CSF1R: variants seen among roughly 807,000 people sequenced by gnomAD.
CSF1R encodes macrophage colony-stimulating factor 1 receptor.
In CSF1R, 40 loss-of-function variants were observed where a neutral mutation model predicts 110.0. The ratio of observed to expected loss-of-function variants is 0.36; its 90% CI spans 0.28 to 0.47. The LOEUF (loss-of-function observed/expected upper bound fraction) is 0.47. Ranked by LOEUF, CSF1R falls within the 20% of genes least tolerant of loss-of-function variation. The pLI is 0.99. For synonymous variants in CSF1R, 523 were observed against 503.4 expected, an observed-to-expected ratio of 1.04 and a Z score of -0.52; for missense variants, 1,052 against 1,253.0, an observed-to-expected ratio of 0.84 and a Z score of 2.42.
rs1554101160 is a variant in CSF1R at position 150,054,176 on chromosome 5, T to C, written c.2812A>G (p.Ser938Gly). 4 of 1,612,286 alleles carry C rather than the reference T, an allele frequency of 2.5e-6. No individual in the cohort carries two copies. Among genetic ancestry groups the C allele is most frequent in the Non-Finnish European group, 3.4e-6 (4 of 1,179,342 alleles). ...SSSRSGGSGS[S>G]SSELEEESSS... Reference sequence around the variant, plus strand: ...CTCTCCTCCTCCAGCTCACTGCTGCTGCTGCCGCTGCCACCGCTTCTGCTG... The same window carrying C: ...CTCTCCTCCTCCAGCTCACTGCTGCCGCTGCCGCTGCCACCGCTTCTGCTG... The change falls in exon 21 of 21, where the codon AGC becomes GGC. Residue 938 changes from serine (S) to glycine (G), a missense_variant. Ser to Gly is a moderately conservative substitution (Grantham distance 56). Transcript: ENST00000675795.
In CSF1R at chr5:150,054,112, A is replaced by C; in HGVS notation, c.2876T>G (p.Ile959Ser). 1 of 1,614,062 alleles carries C rather than the reference A, an allele frequency of 6.2e-7. No homozygotes were observed. Among genetic ancestry groups the C allele is most frequent in the South Asian group, 1.1e-5 (1 of 91,060 alleles). ...GTTGGGCTGCAGCAAGGGCTGGGCG[A>C]TATCCCCTTGCTCGCAGCAGGTCAG... ...EHLTCCEQGD[I>S]AQPLLQPNNY... Residue 959 changes from isoleucine (I) to serine (S), a missense_variant, in exon 21 of 21, where the codon ATC (isoleucine) becomes AGC (serine). Physicochemically the swap from Ile to Ser is moderately radical, Grantham distance 142 (BLOSUM62 -2). Coordinates refer to ENST00000675795, the MANE Select transcript of CSF1R (RefSeq NM_001288705.3).
chr5:150,076,168 A>C (rs1248817739), intron 5 of CSF1R, among the ~76,000 whole-genome samples: 2 of 151,604 alleles, frequency 1.3e-5, no homozygotes, highest in African/African-American at 4.8e-5. Flanking sequence ...TGCATCTCAG[A>C]CTCTTCCACA....
chr5:150,084,154 T>C (rs1467290708), intron 1 of CSF1R, among the ~76,000 whole-genome samples: 2 of 151,668 alleles, frequency 1.3e-5, no homozygotes, highest in Non-Finnish European at 2.9e-5. Flanking sequence ...ATGGCCAGCA[T>C]GATAAAACCC....
intron 1 of CSF1R, among the ~76,000 whole-genome samples, chr5:150,097,327 A>AAGGG: frequency 1.1e-5 from 1 of 90,202 alleles, no homozygotes; most frequent in Non-Finnish European, 2.5e-5. Flanking sequence ...AAGGGGAAGG[A>AAGGG]GAAGGGAGGA....
At chr5:150,111,781 C>A (rs540241004) in intron 1 of CSF1R, among the ~76,000 whole-genome samples, 1 of 152,236 alleles carries the variant, frequency 6.6e-6, no homozygotes, top group African/African-American at 2.4e-5. Flanking sequence ...GGTTTGAATG[C>A]AAATCAAAAT....
chr5:150,083,163 C>T lies in CSF1R; in HGVS notation c.50-2139G>A, dbSNP rs764784968. Reference sequence around the variant, plus strand: ...AAGCCGGCTTGGCCCCCATCCTCCTCGGGGTGGGGGCATGGGCTTATGAAC... The same window carrying T: ...AAGCCGGCTTGGCCCCCATCCTCCTTGGGGTGGGGGCATGGGCTTATGAAC... On this transcript the variant is annotated intron_variant, in intron 1 of 20. Transcript: ENST00000675795. Among the ~76,000 whole-genome samples, 67 of 152,110 alleles carry T rather than the reference C, an allele frequency of 4.4e-4. 1 individual carries two copies. Among genetic ancestry groups the T allele is most frequent in the South Asian group, 4.2e-4 (2 of 4,804 alleles).
At chr5:150,087,452 C>T (rs767229272), upstream of CSF1R, among the ~76,000 whole-genome samples, 13 of 152,194 alleles carry the variant, frequency 8.5e-5, no homozygotes, top group Non-Finnish European at 1.5e-4. Flanking sequence ...AACTAAAGCT[C>T]AGAGAGATCA....
chr5:150,110,510 A>G (rs776830787), intron 1 of CSF1R, among the ~76,000 whole-genome samples: 12 of 152,384 alleles, frequency 7.9e-5, no homozygotes, highest in Non-Finnish European at 1.3e-4. Flanking sequence ...AACTATGTGC[A>G]TCTCTCAAAA....
In CSF1R at chr5:150,054,283, G is replaced by GC. The variant is rs771433092; in HGVS notation, c.2763+38dup. 76 of 1,613,928 alleles carry GC rather than the reference G, an allele frequency of 4.7e-5. No individual in the cohort carries two copies. In the East Asian group the frequency reaches 1.5e-3, roughly 32 times the overall value. ...AGATCCATCAGGCCCAGCCCAACGT[G>GC]CTTTACCGGCCACCCACCCCAAGCC... is the stretch of plus-strand genomic sequence containing the variant. On this transcript the variant is annotated intron_variant, in intron 20 of 20. Transcript: ENST00000675795.
rs759924096 is a variant in CSF1R, at chr5:150,080,813, A to G, written c.261T>C (p.Pro87=). The G allele has an allele frequency of 1.2e-6, 2 of 1,614,146 alleles. No individual in the cohort carries two copies. Among genetic ancestry groups the G allele is most frequent in the East Asian group, 2.2e-5 (1 of 44,882 alleles). ...QNTGTYRCTE[P]GDPLGGSAAI... is the part of the protein sequence containing the mutation. ...CGGCGCTGCCTCCCAGGGGGTCTCC[A>G]GGCTCAGTGCAGCGATAGGTCCCCG... is the stretch of plus-strand genomic sequence containing the variant. The change falls in exon 2 of 21, where the codon CCT becomes CCC. Residue 87 remains proline (P), a synonymous_variant. Transcript: ENST00000675795.
At chr5:150,101,585 A>G (rs529802683) in intron 1 of CSF1R, among the ~76,000 whole-genome samples, 1 of 152,178 alleles carries the variant, frequency 6.6e-6, no homozygotes, top group Non-Finnish European at 1.5e-5. Flanking sequence ...GTCTGCCACC[A>G]GCCGTCACGG....
intron 1 of CSF1R, among the ~76,000 whole-genome samples, chr5:150,099,043 G>A (rs1336215846): frequency 6.7e-5 from 10 of 149,084 alleles, no homozygotes; most frequent in South Asian, 2.1e-4. Flanking sequence ...GCAGGTGCCC[G>A]CCACCACACC....
rs1812300 is a variant in CSF1R at position 150,081,970 on chromosome 5, C to A, written c.50-946G>T. Among the ~76,000 whole-genome samples, 8 of 152,300 alleles carry A rather than the reference C, an allele frequency of 5.3e-5. No individual in the cohort carries two copies. The South Asian group carries it at 8.3e-4, about 16-fold the overall frequency. On this transcript the variant is annotated intron_variant, in intron 1 of 20. Coordinates refer to ENST00000675795, the MANE Select transcript of CSF1R (RefSeq NM_001288705.3). ...CAAGCCTCCGAGGGGCTGCCAGGCG[C>A]CCCCCAGCCTGTGTGGGCGGAAACA... is the stretch of plus-strand genomic sequence containing the variant.
At chr5:150,079,441 G>A (rs1469151181) in intron 3 of CSF1R, among the ~76,000 whole-genome samples, 1 of 152,228 alleles carries the variant, frequency 6.6e-6, no homozygotes, top group Non-Finnish European at 1.5e-5. Context: ...CCAGCAGGGT[G>A]AGACTCCACC....
rs749937313 is a variant in CSF1R at position 150,068,366 on chromosome 5, G to A, written c.1511-36C>T. ...TGAAGCAAAGCAGTGAGCAGGCAGG[G>A]GTGCCTCCGAGCCCCCTGAGGTCAG... On this transcript the variant is annotated intron_variant, in intron 9 of 20. Coordinates refer to ENST00000675795, the MANE Select transcript of CSF1R (RefSeq NM_001288705.3). The A allele has an allele frequency of 5.2e-6, 8 of 1,542,140 alleles. No individual in the cohort carries two copies. In the Admixed American group the frequency reaches 1.2e-4, roughly 23 times the overall value.
chr5:150,098,890 C>CATT (rs369518504), intron 1 of CSF1R, among the ~76,000 whole-genome samples: 2 of 128,666 alleles, frequency 1.6e-5, no homozygotes, highest in Non-Finnish European at 3.2e-5. Context: ...ATACAAACAA[C>CATT]TTTTTTTTTT....
Position 150,080,075 on chromosome 5 carries a change from C to A in CSF1R, c.569G>T (p.Ser190Ile). Residue 190 changes from serine (S) to isoleucine (I), a missense_variant, in exon 3 of 21, where the codon AGC (serine) becomes ATC (isoleucine). Transcript: ENST00000675795. ...ACCTTTCTGCACTTTCAGCCGGATG[C>A]TGATGGACATCACCTTCCTGCCACC... ...LMGGRKVMSI[S>I]IRLKVQKVIP... The A allele has an allele frequency of 6.2e-7, 1 of 1,614,028 alleles. No homozygotes were observed. The highest frequency in any genetic ancestry group is 8.5e-7 in the Non-Finnish European group (1 of 1,179,926).
chr5:150,069,336 T>C (rs1757926145), intron 9 of CSF1R, among the ~76,000 whole-genome samples: 1 of 152,176 alleles, frequency 6.6e-6, no homozygotes, highest in South Asian at 2.1e-4. Context: ...AGGCAGCCTG[T>C]GTTGTGCACA....
At chr5:150,099,437 T>G (rs1759330877) in intron 1 of CSF1R, among the ~76,000 whole-genome samples, 1 of 152,228 alleles carries the variant, frequency 6.6e-6, no homozygotes, top group South Asian at 2.1e-4. Flanking sequence ...GCAAATGTTT[T>G]AGTGGCTTTA....
Sources: gnomAD v4.1 joint callset for allele counts (sites outside exome capture counted in the v4.1 genomes callset) on GRCh38, gnomAD v4.1.1 for gene constraint, MANE v1.5 for transcripts, NCBI Gene and HGNC (gene_info 2026-07-23, HGNC 2026-07-21) for gene names.